Variants in DOCK10 observed in about 807,000 individuals in gnomAD.
DOCK10 encodes the protein dedicator of cytokinesis 10.
In DOCK10, 145 loss-of-function variants were observed where a neutral mutation model predicts 280.1. That is an observed-to-expected ratio of 0.52 (90% CI 0.45 to 0.59). The LOEUF (loss-of-function observed/expected upper bound fraction) is 0.59. DOCK10 is among the 20% of genes least tolerant of loss of function. The pLI is 0.00. For missense variants in DOCK10, 2,368 were observed against 2,651.7 expected, an observed-to-expected ratio of 0.89 and a Z score of 2.35; for synonymous variants, 915 against 942.2, an observed-to-expected ratio of 0.97 and a Z score of 0.53.
chr2:225,020,439 T>C (rs754436591), intron 1 of DOCK10, among the ~76,000 whole-genome samples: 15 of 152,216 alleles, frequency 9.9e-5, no homozygotes, highest in Non-Finnish European at 2.2e-4. Context: ...TCTGCCAAAC[T>C]TAACCTAGCA....
At position 224,840,262 on chromosome 2, in the gene DOCK10, A is replaced by G. The variant is rs1695878088; in HGVS notation, c.2662-190T>C. On this transcript the variant is annotated intron_variant, in intron 23 of 55. Transcript: ENST00000258390. ...CAAAGTGAAAACAGACAAATGGCAT[A>G]TCAAACTAAAAGGTTTCAGCACAGC... is the stretch of plus-strand genomic sequence containing the variant. The G allele has an allele frequency of 6.2e-6, 3 of 482,942 alleles. No individual in the cohort carries two copies. In the East Asian group the frequency reaches 9.5e-5, roughly 15 times the overall value. The allele number at this position is 482,942 out of a possible 1,614,324, so 29.9% of individuals were successfully genotyped here.
intron 2 of DOCK10, among the ~76,000 whole-genome samples, chr2:224,924,621 T>C (rs928351702): frequency 6.6e-6 from 1 of 152,338 alleles, no homozygotes; most frequent in East Asian, 1.9e-4. Context: ...ATTATTTGGG[T>C]TATTCTCATT....
At chr2:224,808,150 A>C in intron 31 of DOCK10, 64 bp from the exon 32 acceptor site, 1 of 1,430,970 alleles carries the variant, frequency 7.0e-7, no homozygotes, top group South Asian at 1.3e-5. Flanking sequence ...TAATTGAGAC[A>C]GATATACCAA....
At chr2:224,850,344 C>T (rs1696650509) in intron 18 of DOCK10, among the ~76,000 whole-genome samples, 1 of 152,008 alleles carries the variant, frequency 6.6e-6, no homozygotes, top group South Asian at 2.1e-4. Flanking sequence ...GCTGGGATCC[C>T]AAATACACTG....
intron 1 of DOCK10, among the ~76,000 whole-genome samples, chr2:224,966,189 T>C (rs2126189460): frequency 6.6e-6 from 1 of 152,206 alleles, no homozygotes; most frequent in Non-Finnish European, 1.5e-5. Flanking sequence ...AGCCCTCTCA[T>C]TCCCTCCAAT....
At position 224,967,781 on chromosome 2, in the gene DOCK10, G is replaced by A. The variant is rs144467775; in HGVS notation, c.124-36113C>T. On this transcript the variant is annotated intron_variant, in intron 1 of 55. Coordinates refer to ENST00000258390, the MANE Select transcript of DOCK10 (RefSeq NM_014689.3). ...AGTTGTTAATAATGGTTTTCTGTAG[G>A]GATCTGAGAGGAGTGTGGGACTATA... is the stretch of plus-strand genomic sequence containing the variant. Among the ~76,000 whole-genome samples, 27 of 151,342 alleles carry A rather than the reference G, an allele frequency of 1.8e-4. No individual in the cohort carries two copies. The East Asian group carries it at 5.2e-3, about 29-fold the overall frequency.
intron 11 of DOCK10, among the ~76,000 whole-genome samples, chr2:224,868,026 G>C (rs1402241084): frequency 1.3e-5 from 2 of 152,184 alleles, no homozygotes; most frequent in Admixed American, 1.3e-4. Context: ...CTGGGCTGAA[G>C]AGCTGGGCCT....
intron 1 of DOCK10, among the ~76,000 whole-genome samples, chr2:225,032,349 A>C (rs1162949175): frequency 1.3e-5 from 2 of 152,186 alleles, no homozygotes; most frequent in Non-Finnish European, 2.9e-5. Flanking sequence ...TTCTGACTTC[A>C]AAAATGGAAG....
chr2:224,913,812 C>T (rs1287231998), intron 3 of DOCK10, among the ~76,000 whole-genome samples: 2 of 152,182 alleles, frequency 1.3e-5, no homozygotes, highest in African/African-American at 2.4e-5. Flanking sequence ...ACTGCAAGCT[C>T]CGCCTCCCAG....
intron 19 of DOCK10, among the ~76,000 whole-genome samples, chr2:224,849,216 C>T (rs983963264): frequency 2.1e-4 from 32 of 152,132 alleles, no homozygotes; most frequent in Admixed American, 1.0e-3. Context: ...CCTTGTGATC[C>T]GCCTGCCTTG....
chr2:225,032,095 T>C (rs1472909114), intron 1 of DOCK10, among the ~76,000 whole-genome samples: 8 of 152,242 alleles, frequency 5.3e-5, no homozygotes, highest in Admixed American at 5.2e-4. Context: ...CTTATTAAGA[T>C]GAAAATAAGT....
intron 52 of DOCK10, among the ~76,000 whole-genome samples, chr2:224,774,412 A>T (rs1246009989): frequency 6.6e-6 from 1 of 152,228 alleles, no homozygotes; most frequent in African/African-American, 2.4e-5. Flanking sequence ...GGGCCTCACT[A>T]AAAGTGTGTT....
chr2:224,795,044 A>G lies in DOCK10; in HGVS notation c.4989T>C (p.Thr1663=). The G allele has an allele frequency of 6.2e-7, 1 of 1,613,968 alleles. No individual in the cohort carries two copies. Residue 1663 remains threonine, a synonymous_variant, in exon 45 of 56, where the codon ACT becomes ACC. Coordinates refer to ENST00000258390, the MANE Select transcript of DOCK10 (RefSeq NM_014689.3). ...EVKDLTKRIR[T]VLMATAQMKE... is the part of the protein sequence containing the mutation. ...TCATCTGAGCTGTGGCCATCAAAAC[A>G]GTCCTTATACGCTTAGTCAGGTCCT...
intron 1 of DOCK10, among the ~76,000 whole-genome samples, chr2:224,971,211 T>G (rs1201603885): frequency 6.6e-6 from 1 of 152,024 alleles, no homozygotes; most frequent in Non-Finnish European, 1.5e-5. Flanking sequence ...ACTGTATTAT[T>G]GGATATTGAA....
chr2:225,023,065 C>T (rs1238812480), intron 1 of DOCK10, among the ~76,000 whole-genome samples: 5 of 151,454 alleles, frequency 3.3e-5, no homozygotes, highest in Admixed American at 2.6e-4. Flanking sequence ...GACGGAGTTT[C>T]GCTCTTGTTG....
Position 225,042,063 on chromosome 2 carries a change from C to G in DOCK10, c.123+189G>C, listed in dbSNP as rs1428431451. The stretch of plus-strand genomic sequence containing the variant: ...TGCACAAACGCGCCCCCGGTCCTTA[C>G]GCGTCGGTGGCGCTGCCTCGCTGAG... On this transcript the variant is annotated intron_variant, in intron 1 of 55. Coordinates refer to ENST00000258390, the MANE Select transcript of DOCK10 (RefSeq NM_014689.3). The surrounding 1 kb of genome is among the most constrained non-coding windows in gnomAD (Gnocchi z 5.1). 1.3e-5 allele frequency among the ~76,000 whole-genome samples: 2 copies of G among 152,222 alleles called. No homozygotes were observed. Among genetic ancestry groups the G allele is most frequent in the Non-Finnish European group, 2.9e-5 (2 of 68,032 alleles).
intron 53 of DOCK10, 41 bp downstream of exon 53, chr2:224,773,116 A>G (rs146612499): frequency 1.9e-5 from 29 of 1,523,386 alleles, no homozygotes; most frequent in Non-Finnish European, 2.5e-5. Context: ...ACCTGGTTTC[A>G]TTGGCCATGT....
At position 224,807,743 on chromosome 2, in the gene DOCK10, G is replaced by C; in HGVS notation, c.3627C>G (p.Tyr1209Ter). 1 of 1,572,116 alleles carries C rather than the reference G, an allele frequency of 6.4e-7. No homozygotes were observed. Among genetic ancestry groups the C allele is most frequent in the Non-Finnish European group, 8.6e-7 (1 of 1,157,202 alleles). The change falls in exon 33 of 56, where the codon TAC (tyrosine) becomes TAG (stop). Residue 1209 changes from tyrosine to a stop codon, truncating the protein, a stop_gained. Transcript: ENST00000258390. LOFTEE classifies it high-confidence loss of function. ...TTGGCATATTGTCCAGGAGCATGCC[G>C]TACAGGGGCATGTATAAACTTGCTA... ...AQIASLYMPL[Y>*]GMLLDNMPRI...
At chr2:224,920,065 T>A (rs1378944584) in intron 2 of DOCK10, among the ~76,000 whole-genome samples, 1 of 152,012 alleles carries the variant, frequency 6.6e-6, no homozygotes, top group East Asian at 1.9e-4. Context: ...ATTATTTACA[T>A]TTTACTTTTT....
Sources: gnomAD v4.1 joint callset for allele counts (sites outside exome capture counted in the v4.1 genomes callset) on GRCh38, gnomAD v4.1.1 for gene constraint, Gnocchi (gnomAD v3.1) non-coding constraint, MANE v1.5 for transcripts, NCBI Gene and HGNC (gene_info 2026-07-23, HGNC 2026-07-21) for gene names.